The following GRIN3A variants were observed in gnomAD, a reference collection of about 807,000 sequenced individuals.
GRIN3A encodes the protein glutamate receptor ionotropic, NMDA 3A.
GRIN3A carries 47 observed loss-of-function variants against 92.4 expected under a neutral mutation model. The observed-to-expected ratio is 0.51, with a 90% CI of 0.40 to 0.65. The LOEUF (loss-of-function observed/expected upper bound fraction) is 0.65. GRIN3A is among the 30% of genes least tolerant of loss of function. GRIN3A has a pLI of 0.00. For synonymous variants in GRIN3A, 527 were observed against 540.6 expected (o/e 0.97, Z 0.35); for missense variants, 1,324 against 1,393.1 (o/e 0.95, Z 0.79).
chr9:101,730,872 A>G (rs1016708880), intron 1 of GRIN3A, among the ~76,000 whole-genome samples: 2 of 152,088 alleles, frequency 1.3e-5, no homozygotes, highest in African/African-American at 2.4e-5. Flanking sequence ...GTAGGTAAAA[A>G]TGATTATTTT....
At chr9:101,595,001 CGGACGGTTG>C in intron 6 of GRIN3A, 1 of 1,394,946 alleles carries the variant, frequency 7.2e-7, no homozygotes, top group Non-Finnish European at 9.5e-7. Context: ...GGCTCGTGCC[CGGACGGTTG>C]GGCCATGGGG....
intron 3 of GRIN3A, among the ~76,000 whole-genome samples, chr9:101,669,508 C>A (rs1168919383): frequency 6.7e-6 from 1 of 149,730 alleles, no homozygotes; most frequent in African/African-American, 2.6e-5. Context: ...TAGGCCTTAG[C>A]TAATTCTGCC....
chr9:101,682,824 T>C (rs1260463884), intron 2 of GRIN3A, among the ~76,000 whole-genome samples: 2 of 151,554 alleles, frequency 1.3e-5, no homozygotes. Flanking sequence ...CTACTAAAAA[T>C]ACAAAAAATT....
intron 3 of GRIN3A, among the ~76,000 whole-genome samples, chr9:101,663,794 G>A (rs1441802756): frequency 1.3e-5 from 2 of 151,214 alleles, no homozygotes; most frequent in Non-Finnish European, 3.0e-5. Context: ...TTCTAAAACA[G>A]TACTGTCATT....
intron 6 of GRIN3A, among the ~76,000 whole-genome samples, chr9:101,604,661 A>C (rs2118832225): frequency 6.6e-6 from 1 of 152,332 alleles, no homozygotes; most frequent in South Asian, 2.1e-4. Context: ...GGTAGGAATG[A>C]GAAAGGGGCA....
intron 2 of GRIN3A, among the ~76,000 whole-genome samples, chr9:101,673,339 C>A (rs986852408): frequency 6.6e-5 from 10 of 152,022 alleles, no homozygotes; most frequent in South Asian, 2.1e-4. Flanking sequence ...GATAGAGGGA[C>A]AAGGCCCAGT....
chr9:101,708,412 A>C (rs1329897693), intron 1 of GRIN3A, among the ~76,000 whole-genome samples: 1 of 152,166 alleles, frequency 6.6e-6, no homozygotes, highest in Non-Finnish European at 1.5e-5. Flanking sequence ...CAATTACAGC[A>C]TATTTTCTTC....
chr9:101,650,496 C>T (rs1227426705), intron 3 of GRIN3A, among the ~76,000 whole-genome samples: 9 of 152,000 alleles, frequency 5.9e-5, no homozygotes, highest in South Asian at 2.1e-4. Flanking sequence ...GCCACATCAC[C>T]ACAGCAAATT....
At chr9:101,652,968 C>T (rs1028933339) in intron 3 of GRIN3A, among the ~76,000 whole-genome samples, 5 of 151,712 alleles carry the variant, frequency 3.3e-5, no homozygotes, top group South Asian at 2.1e-4. Flanking sequence ...GAAGAATTTT[C>T]GTTTGAGCTA....
chr9:101,728,984 G>A (rs1447736075), intron 1 of GRIN3A, among the ~76,000 whole-genome samples: 1 of 152,150 alleles, frequency 6.6e-6, no homozygotes, highest in Non-Finnish European at 1.5e-5. Flanking sequence ...GTATGAAAAA[G>A]GGGAGACTGC....
intron 3 of GRIN3A, among the ~76,000 whole-genome samples, chr9:101,653,538 G>A (rs1345688608): frequency 3.3e-5 from 5 of 151,808 alleles, no homozygotes; most frequent in Non-Finnish European, 5.9e-5. Context: ...TCCTGTGACA[G>A]ATAAAATACT....
intron 6 of GRIN3A, among the ~76,000 whole-genome samples, chr9:101,612,705 C>G (rs893330851): frequency 6.6e-6 from 1 of 152,188 alleles, no homozygotes; most frequent in East Asian, 1.9e-4. Context: ...CAATTTTAAT[C>G]ATCCAATTTC....
intron 6 of GRIN3A, among the ~76,000 whole-genome samples, chr9:101,584,140 C>T (rs1827922056): frequency 6.6e-6 from 1 of 152,180 alleles, no homozygotes; most frequent in African/African-American, 2.4e-5. Context: ...GTGTGAGCCA[C>T]TGCACCCGGC....
At chr9:101,606,905 C>CTTTTTTTT (rs1828291100) in intron 6 of GRIN3A, among the ~76,000 whole-genome samples, 1 of 103,680 alleles carries the variant, frequency 9.6e-6, no homozygotes, top group Admixed American at 9.9e-5. Flanking sequence ...AAAAAAATTA[C>CTTTTTTTT]ATTTTTTTTT....
At chr9:101,692,937 A>G (rs1485383235) in intron 1 of GRIN3A, among the ~76,000 whole-genome samples, 1 of 152,216 alleles carries the variant, frequency 6.6e-6, no homozygotes, top group Non-Finnish European at 1.5e-5. Context: ...AATAATAATT[A>G]TACAAATGAA....
chr9:101,664,585 G>C (rs1265925471), intron 3 of GRIN3A, among the ~76,000 whole-genome samples: 1 of 151,852 alleles, frequency 6.6e-6, no homozygotes, highest in African/African-American at 2.4e-5. Context: ...AGAGCAGCCA[G>C]GTACAAGATT....
chr9:101,702,777 C>T (rs1471544345), intron 1 of GRIN3A, among the ~76,000 whole-genome samples: 1 of 152,200 alleles, frequency 6.6e-6, no homozygotes, highest in Non-Finnish European at 1.5e-5. Context: ...TCTATCCCCA[C>T]TCTAGATACC....
chr9:101,583,973 C>T (rs530491013), intron 6 of GRIN3A, among the ~76,000 whole-genome samples: 9 of 152,210 alleles, frequency 5.9e-5, no homozygotes, highest in Non-Finnish European at 1.3e-4. Flanking sequence ...TCTCATGCCT[C>T]AGCCTCCCAA....
intron 2 of GRIN3A, among the ~76,000 whole-genome samples, chr9:101,680,004 C>A (rs1038369245): frequency 6.6e-6 from 1 of 152,118 alleles, no homozygotes; most frequent in Non-Finnish European, 1.5e-5. Flanking sequence ...TTAAGGAAGG[C>A]TTATACTAAT....
Sources: gnomAD v4.1 joint callset for allele counts (sites outside exome capture counted in the v4.1 genomes callset) on GRCh38, gnomAD v4.1.1 for gene constraint, MANE v1.5 for transcripts, NCBI Gene and HGNC (gene_info 2026-07-23, HGNC 2026-07-21) for gene names.